The following AXIN1 variants were observed in gnomAD, a reference collection of about 807,000 sequenced individuals.
The protein encoded by AXIN1 is axin-1.
A neutral mutation model predicts 76.4 loss-of-function variants in AXIN1; 30 were observed. That is an observed-to-expected ratio of 0.39 (90% confidence interval 0.29 to 0.53). The LOEUF is 0.53. Among genes scored for constraint, AXIN1 ranks in the 20% least tolerant of loss-of-function variants. AXIN1 has a pLI of 0.66. For missense variants in AXIN1, 1,140 were observed against 1,198.8 expected (o/e 0.95, Z 0.72); for synonymous variants, 545 against 501.4 (o/e 1.09, Z -1.16).
chr16:341,461 C>A (rs1171996332), intron 2 of AXIN1, among the ~76,000 whole-genome samples: 3 of 152,266 alleles, frequency 2.0e-5, no homozygotes, highest in Admixed American at 6.5e-5. Flanking sequence ...CCCACCGGAG[C>A]TGCGCTCAAT....
At chr16:319,633 A>G (rs778369639) in intron 2 of AXIN1, among the ~76,000 whole-genome samples, 17 of 152,186 alleles carry the variant, frequency 1.1e-4, no homozygotes, top group Admixed American at 6.5e-4. Flanking sequence ...TGGTGGAGAA[A>G]GGTGCTCCTC....
At chr16:340,045 CTTCT>C (rs1567302898) in intron 2 of AXIN1, among the ~76,000 whole-genome samples, 2 of 150,596 alleles carry the variant, frequency 1.3e-5, no homozygotes, top group South Asian at 2.1e-4. Flanking sequence ...TCTTCTTCTT[CTTCT>C]TTTTTTTTTT....
intron 4 of AXIN1, 79 bp downstream of exon 4, chr16:309,894 C>T: frequency 6.9e-7 from 1 of 1,440,586 alleles, no homozygotes; most frequent in South Asian, 1.2e-5. Flanking sequence ...CAGGCAAGTG[C>T]CTTTCCCGCG....
chr16:349,943 C>A (rs2054109339), intron 1 of AXIN1, among the ~76,000 whole-genome samples: 1 of 152,142 alleles, frequency 6.6e-6, no homozygotes, highest in Non-Finnish European at 1.5e-5. Flanking sequence ...GGACTACAGG[C>A]ACGAGTCATC....
intron 5 of AXIN1, among the ~76,000 whole-genome samples, chr16:300,065 G>A (rs996605361): frequency 1.1e-4 from 17 of 151,910 alleles, no homozygotes; most frequent in Admixed American, 6.6e-4. Context: ...TCAGCCTCCC[G>A]GGTAGCTGGG....
At chr16:300,799 G>A (rs947239845) in intron 5 of AXIN1, among the ~76,000 whole-genome samples, 1 of 152,184 alleles carries the variant, frequency 6.6e-6, no homozygotes, top group Non-Finnish European at 1.5e-5. Context: ...AATCTTAACC[G>A]AGGGTCTTCC....
At chr16:301,548 C>T (rs1031346048) in intron 5 of AXIN1, among the ~76,000 whole-genome samples, 1 of 152,080 alleles carries the variant, frequency 6.6e-6, no homozygotes, top group Non-Finnish European at 1.5e-5. Flanking sequence ...CCCAGCACTT[C>T]GGGAAGCTGA....
chr16:315,373 A>G (rs2053275986), intron 2 of AXIN1, among the ~76,000 whole-genome samples: 2 of 152,140 alleles, frequency 1.3e-5, no homozygotes, highest in South Asian at 2.1e-4. Flanking sequence ...ACCATTTTCT[A>G]TGGGGTGGAT....
intron 2 of AXIN1, among the ~76,000 whole-genome samples, chr16:344,170 C>T (rs565591173): frequency 3.9e-5 from 6 of 152,156 alleles, no homozygotes; most frequent in African/African-American, 7.2e-5. Flanking sequence ...TGGTGGCCCA[C>T]GTCTGTAATC....
intron 2 of AXIN1, among the ~76,000 whole-genome samples, chr16:320,623 C>T (rs958327953): frequency 2.0e-5 from 3 of 150,800 alleles, no homozygotes; most frequent in Non-Finnish European, 4.4e-5. Flanking sequence ...TTACTAAGTA[C>T]ACTCAAGAAT....
intron 5 of AXIN1, among the ~76,000 whole-genome samples, chr16:301,770 G>A (rs2052880099): frequency 6.6e-6 from 1 of 152,136 alleles, no homozygotes. Flanking sequence ...GAAAATTACA[G>A]CGGCCGGCGA....
intron 4 of AXIN1, among the ~76,000 whole-genome samples, 197 bp from the exon 5 acceptor site, chr16:304,638 G>A (rs960766380): frequency 5.9e-5 from 9 of 152,254 alleles, no homozygotes; most frequent in East Asian, 5.8e-4. Flanking sequence ...GGGTTCAAGC[G>A]ATTCTCCTGC....
intron 2 of AXIN1, 79 bp from the exon 3 acceptor site, chr16:314,762 G>A (rs776840028): frequency 6.3e-7 from 1 of 1,581,186 alleles, no homozygotes; most frequent in African/African-American, 1.3e-5. Context: ...CATGTTATCT[G>A]AATATCTCAA....
At chr16:300,547 ACT>A (rs2141528104) in intron 5 of AXIN1, among the ~76,000 whole-genome samples, 1 of 151,890 alleles carries the variant, frequency 6.6e-6, no homozygotes, top group East Asian at 1.9e-4. Context: ...TTAGCACCCA[ACT>A]CTCACACCTG....
At chr16:297,364 C>G (rs1214446944) in intron 6 of AXIN1, 138 bp from the exon 7 acceptor site, 5 of 1,140,466 alleles carry the variant, frequency 4.4e-6, no homozygotes, top group Non-Finnish European at 6.3e-6. Context: ...GCCCGCTTGT[C>G]CCCCACCCGC....
intron 6 of AXIN1, 57 bp from the exon 7 acceptor site, chr16:297,283 TTCC>T (rs2052738173): frequency 2.5e-6 from 4 of 1,594,946 alleles, no homozygotes; most frequent in Admixed American, 1.7e-5. Context: ...GCTGTGCCCC[TTCC>T]TCGTCTGCGA....
chr16:342,346 A>G (rs980844471), intron 2 of AXIN1, among the ~76,000 whole-genome samples: 9 of 151,620 alleles, frequency 5.9e-5, no homozygotes, highest in Admixed American at 5.9e-4. Flanking sequence ...CCGCGGCTTC[A>G]TTCTTGAAGT....
intron 4 of AXIN1, among the ~76,000 whole-genome samples, chr16:305,680 A>G (rs372203137): frequency 6.0e-4 from 92 of 152,102 alleles, no homozygotes; most frequent in Middle Eastern, 3.4e-3. Flanking sequence ...AGTAGCTGGG[A>G]CTACAGGCGC....
At chr16:301,066 C>G (rs971291127) in intron 5 of AXIN1, among the ~76,000 whole-genome samples, 8 of 151,980 alleles carry the variant, frequency 5.3e-5, no homozygotes, top group East Asian at 1.9e-4. Context: ...GTCGGGAGAT[C>G]GAGACCATCC....
Sources: gnomAD v4.1 joint callset for allele counts (sites outside exome capture counted in the v4.1 genomes callset) on GRCh38, gnomAD v4.1.1 for gene constraint, MANE v1.5 for transcripts, NCBI Gene and HGNC (gene_info 2026-07-23, HGNC 2026-07-21) for gene names.